Variants in NPEPPS observed in about 807,000 individuals in gnomAD.
NPEPPS encodes the protein puromycin-sensitive aminopeptidase.
Under a neutral mutation model 115.5 loss-of-function variants are expected in NPEPPS, and 14 were observed. The ratio of observed to expected loss-of-function variants is 0.12; its 90% CI spans 0.08 to 0.19. The LOEUF (loss-of-function observed/expected upper bound fraction) is 0.19. Ranked by LOEUF, NPEPPS falls within the 10% of genes least tolerant of loss-of-function variation. NPEPPS has a pLI of 1.00. For missense variants in NPEPPS, 523 were observed against 1,110.8 expected, an observed-to-expected ratio of 0.47 and a Z score of 7.52; for synonymous variants, 285 against 390.6, an observed-to-expected ratio of 0.73 and a Z score of 3.19.
intron 12 of NPEPPS, among the ~76,000 whole-genome samples, chr17:47,595,062 C>T (rs1912777356): frequency 6.6e-6 from 1 of 152,174 alleles, no homozygotes; most frequent in Admixed American, 6.5e-5. Context: ...TCCCAAGTAG[C>T]TGGGATTACA....
intron 3 of NPEPPS, among the ~76,000 whole-genome samples, chr17:47,575,191 A>G (rs985857025): frequency 2.0e-5 from 3 of 152,192 alleles, no homozygotes; most frequent in African/African-American, 7.2e-5. Flanking sequence ...TCCATTCCTC[A>G]ACAGAATGAA....
intron 12 of NPEPPS, among the ~76,000 whole-genome samples, chr17:47,593,990 A>G (rs1260872141): frequency 6.6e-6 from 1 of 152,148 alleles, no homozygotes; most frequent in Non-Finnish European, 1.5e-5. Flanking sequence ...CCTCGCTTCT[A>G]TAAAAAGTAC....
intron 1 of NPEPPS, among the ~76,000 whole-genome samples, chr17:47,544,502 G>GTATT (rs61518431): frequency 0.04 from 5,705 of 141,532 alleles, 136 homozygotes; most frequent in East Asian, 0.069. Context: ...GAAATTAAAC[G>GTATT]TATTTATTTA....
chr17:47,536,101 T>C (rs1266174609), intron 1 of NPEPPS, among the ~76,000 whole-genome samples: 1 of 151,974 alleles, frequency 6.6e-6, no homozygotes, highest in Non-Finnish European at 1.5e-5. Flanking sequence ...TCCCAAAGTG[T>C]TGGGATTACA....
At chr17:47,556,073 CTTTTT>C (rs747406184) in intron 2 of NPEPPS, among the ~76,000 whole-genome samples, 1 of 80,736 alleles carries the variant, frequency 1.2e-5, no homozygotes, top group African/African-American at 4.7e-5. Context: ...AAGCAATTCT[CTTTTT>C]TTTTTTTTTT....
intron 2 of NPEPPS, among the ~76,000 whole-genome samples, chr17:47,546,486 C>G (rs1035999542): frequency 6.6e-6 from 1 of 152,020 alleles, no homozygotes; most frequent in African/African-American, 2.4e-5. Context: ...TATAACCTAA[C>G]AGTATTGTGA....
intron 2 of NPEPPS, among the ~76,000 whole-genome samples, chr17:47,556,127 G>A (rs1316955754): frequency 1.3e-5 from 2 of 148,512 alleles, no homozygotes; most frequent in Non-Finnish European, 3.0e-5. Flanking sequence ...CTTGCAGAGG[G>A]GGATTTGGCA....
rs776490988 is a variant in NPEPPS at position 47,594,572 on chromosome 17, G to A, written c.1427-1781G>A. On this transcript the variant is annotated intron_variant, in intron 12 of 22. Transcript: ENST00000322157. ...ATTACAGGCATGTGCCACCACGGCC[G>A]GCTAATTTTGTATTTTATTTTATGT... 4.1e-5 allele frequency among the ~76,000 whole-genome samples: 6 copies of A among 145,996 alleles called. No individual in the cohort carries two copies. The East Asian group carries it at 1.0e-3, about 25-fold the overall frequency.
chr17:47,566,962 C>T (rs1910860656), intron 2 of NPEPPS, among the ~76,000 whole-genome samples: 1 of 151,986 alleles, frequency 6.6e-6, no homozygotes, highest in African/African-American at 2.4e-5. Context: ...TGCCTGTAGT[C>T]CCCAGCTATC....
intron 2 of NPEPPS, among the ~76,000 whole-genome samples, chr17:47,553,759 CT>C (rs745894618): frequency 1.2e-3 from 173 of 144,228 alleles, no homozygotes; most frequent in Admixed American, 1.8e-3. Flanking sequence ...GTCTCTCTCT[CT>C]TTTTTTTTTT....
At chr17:47,618,031 G>C (rs980955601) in intron 19 of NPEPPS, among the ~76,000 whole-genome samples, 1 of 150,750 alleles carries the variant, frequency 6.6e-6, no homozygotes, top group East Asian at 1.9e-4. Flanking sequence ...GCACCACCAC[G>C]CCCGGCTAAT....
intron 13 of NPEPPS, among the ~76,000 whole-genome samples, chr17:47,597,099 T>A (rs1258685233): frequency 1.3e-5 from 2 of 151,596 alleles, no homozygotes; most frequent in African/African-American, 4.8e-5. Flanking sequence ...ATAAACAGAA[T>A]CAAATGCAAA....
chr17:47,561,624 A>ATCTC (rs905378757), intron 2 of NPEPPS, among the ~76,000 whole-genome samples: 1 of 152,150 alleles, frequency 6.6e-6, no homozygotes, highest in Admixed American at 6.6e-5. Context: ...AGAAAACAGA[A>ATCTC]TCTCTCTCTG....
At chr17:47,535,617 GTTA>G (rs1908180432) in intron 1 of NPEPPS, among the ~76,000 whole-genome samples, 1 of 149,056 alleles carries the variant, frequency 6.7e-6, no homozygotes, top group South Asian at 2.1e-4. Flanking sequence ...TTGAAAATTT[GTTA>G]TTATACAGAA....
chr17:47,604,649 A>G (rs1032031271), intron 16 of NPEPPS, among the ~76,000 whole-genome samples: 2 of 152,140 alleles, frequency 1.3e-5, no homozygotes, highest in African/African-American at 4.8e-5. Context: ...TCCCCTCTGC[A>G]GTCATTGGTT....
At position 47,605,223 on chromosome 17, in the gene NPEPPS, A is replaced by G. The variant is rs973562077; in HGVS notation, c.1876-110A>G. 18 of 690,666 alleles carry G rather than the reference A, an allele frequency of 2.6e-5. No individual in the cohort carries two copies. The African/African-American group carries it at 3.1e-4, about 12-fold the overall frequency. 42.8% of individuals were successfully genotyped at this position (690,666 alleles called of 1,614,324 possible). A position where few individuals can be genotyped will look rare whatever the true frequency, so the allele number is the denominator to read the frequency against. On this transcript the variant is annotated intron_variant, in intron 16 of 22. Coordinates refer to ENST00000322157, the MANE Select transcript of NPEPPS (RefSeq NM_006310.4). ...CAGTGTTCTGAGCTTATACAGTCCCATTTCCTTAAACCAAAGAAATTGCTA... is the reference window on the plus strand; with the variant it reads ...CAGTGTTCTGAGCTTATACAGTCCCGTTTCCTTAAACCAAAGAAATTGCTA...
At chr17:47,560,112 A>T (rs948050120) in intron 2 of NPEPPS, among the ~76,000 whole-genome samples, 1 of 152,044 alleles carries the variant, frequency 6.6e-6, no homozygotes, top group Non-Finnish European at 1.5e-5. Flanking sequence ...TTTTAAGGAG[A>T]GGTTTTCCCT....
At position 47,593,336 on chromosome 17, in the gene NPEPPS, CG is replaced by C. The variant is rs913556031; in HGVS notation, c.1426+793del. ...TAGCACTTTGGGAGGCCAGGATGTG[CG>C]GACTGATTGAGCCCAGTTCAAGACC... On this transcript the variant is annotated intron_variant, in intron 12 of 22. Coordinates refer to ENST00000322157, the MANE Select transcript of NPEPPS (RefSeq NM_006310.4). 9.2e-4 allele frequency among the ~76,000 whole-genome samples: 140 copies of C among 152,142 alleles called. 2 individuals are homozygous for C. The highest frequency in any genetic ancestry group is 9.0e-3 in the Admixed American group (138 of 15,282).
At chr17:47,538,411 G>A (rs552745432) in intron 1 of NPEPPS, among the ~76,000 whole-genome samples, 20 of 145,948 alleles carry the variant, frequency 1.4e-4, no homozygotes, top group Admixed American at 2.8e-4. Flanking sequence ...ACCAGGTTTC[G>A]CCATGTTAGC....
Sources: gnomAD v4.1 joint callset for allele counts (sites outside exome capture counted in the v4.1 genomes callset) on GRCh38, gnomAD v4.1.1 for gene constraint, MANE v1.5 for transcripts, NCBI Gene and HGNC (gene_info 2026-07-23, HGNC 2026-07-21) for gene names.